CPSF6: variants seen among roughly 807,000 people sequenced by gnomAD.
The protein encoded by CPSF6 is cleavage and polyadenylation specificity factor subunit 6.
In CPSF6, 10 loss-of-function variants were observed where a neutral mutation model predicts 56.7. The observed-to-expected ratio is 0.18, with a 90% CI of 0.11 to 0.30. The LOEUF is 0.30. Ranked by LOEUF, CPSF6 falls within the 10% of genes least tolerant of loss-of-function variation. The probability of loss-of-function intolerance (pLI) is 1.00; values close to 1 mark genes in which losing one functional copy is unlikely to be tolerated. For missense variants in CPSF6, 419 were observed against 722.9 expected (o/e 0.58, Z 4.82); for synonymous variants, 248 against 244.8 (o/e 1.01, Z -0.12).
At chr12:69,255,153 G>A (rs1468394007) in intron 3 of CPSF6, 1 of 152,242 alleles carries the variant, frequency 6.6e-6, no homozygotes, top group Non-Finnish European at 1.5e-5. Flanking sequence ...GTAGTCCTAT[G>A]TGACTGGCTT....
chr12:69,242,171 A>G (rs891449957), intron 1 of CPSF6, among the ~76,000 whole-genome samples: 7 of 151,124 alleles, frequency 4.6e-5, no homozygotes, highest in African/African-American at 1.7e-4. Flanking sequence ...GCCAGTTTTG[A>G]CTTACTTTGG....
Position 69,269,677 on chromosome 12 carries a change from T to C in CPSF6, c.*169T>C, listed in dbSNP as rs1873153033. 1 of 226,986 alleles carries C rather than the reference T, an allele frequency of 4.4e-6. No homozygotes were observed. The allele number at this position is 226,986 out of a possible 1,614,324, so 14.1% of individuals were successfully genotyped here. A position where few individuals can be genotyped will look rare whatever the true frequency, so the allele number is the denominator to read the frequency against. The stretch of plus-strand genomic sequence containing the variant: ...GCAAATCTGCATAAATGGTAACCAG[T>C]AGCTCTACTTTTATTTTTTATGTTG... On this transcript the variant is annotated 3_prime_UTR_variant, in exon 10 of 10. Transcript: ENST00000435070.
intron 2 of CPSF6, chr12:69,252,243 AAAAAC>A: frequency 3.9e-6 from 1 of 254,726 alleles, no homozygotes; most frequent in South Asian, 2.3e-5. Context: ...CTGGCTAATT[AAAAAC>A]AAAACAAACA....
Position 69,258,085 on chromosome 12 carries a change from ACT to A in CPSF6, c.694+181_694+182del, listed in dbSNP as rs1228856514. 6.5e-7 allele frequency: 1 copy of A among 1,536,856 alleles called. No homozygotes were observed. On this transcript the variant is annotated intron_variant, in intron 5 of 9. Transcript: ENST00000435070. This position sits in a 1 kb window ranked among gnomAD's most constrained non-coding sequence, Gnocchi z 4.2. ...AGGAACTCGGCCTTTGTTCCTGGAA[ACT>A]AGGATTCCATGGCATATGGGGCACA... is the stretch of plus-strand genomic sequence containing the variant.
At chr12:69,254,852 G>A (rs921787856) in intron 3 of CPSF6, 2 of 152,086 alleles carry the variant, frequency 1.3e-5, no homozygotes, top group African/African-American at 2.4e-5. Flanking sequence ...GTAACTATAC[G>A]AATTGGTAAT....
At chr12:69,239,790 C>T (rs952265403) in intron 1 of CPSF6, 84 bp downstream of exon 1, 48 of 1,350,068 alleles carry the variant, frequency 3.6e-5, no homozygotes, top group Non-Finnish European at 4.4e-5. Context: ...CGGCCGCGAG[C>T]CGAAGCGACT....
chr12:69,247,331 A>T (rs1871963653), intron 1 of CPSF6, among the ~76,000 whole-genome samples: 1 of 151,752 alleles, frequency 6.6e-6, no homozygotes, highest in African/African-American at 2.4e-5. Context: ...GAATGATTGT[A>T]GTGATTTAGA....
At chr12:69,247,817 C>A (rs191747496) in intron 1 of CPSF6, among the ~76,000 whole-genome samples, 10 of 152,288 alleles carry the variant, frequency 6.6e-5, no homozygotes, top group Non-Finnish European at 1.5e-5. Context: ...TTACTGATAA[C>A]TACAAAAGAG....
intron 9 of CPSF6, among the ~76,000 whole-genome samples, chr12:69,263,831 G>T (rs2120613707): frequency 6.6e-6 from 1 of 152,050 alleles, no homozygotes; most frequent in Admixed American, 6.5e-5. Flanking sequence ...AATTTTAAGG[G>T]CTTTTTGAGT....
rs772411291 is a variant in CPSF6, at chr12:69,258,743, C to A, written c.848C>A (p.Pro283His). 1.2e-6 allele frequency: 2 copies of A among 1,613,972 alleles called. No homozygotes were observed. The highest frequency in any genetic ancestry group is 2.7e-5 in the African/African-American group (2 of 74,904). ...PPPPVLFPGQ[P>H]FGQPPLGPLP... ...CCACCAGTTCTTTTTCCTGGACAAC[C>A]TTTTGGGCAGCCTCCATTGGGTCCA... Residue 283 changes from proline to histidine, a missense_variant, in exon 6 of 10, where the codon CCT becomes CAT. Physicochemically the swap from Pro to His is moderately conservative, Grantham distance 77. Coordinates refer to ENST00000435070, the MANE Select transcript of CPSF6 (RefSeq NM_007007.3). The surrounding 1 kb of genome is among the most constrained non-coding windows in gnomAD (Gnocchi z 4.2).
At chr12:69,260,274 A>G in intron 8 of CPSF6, 77 bp downstream of exon 8, 1 of 1,175,060 alleles carries the variant, frequency 8.5e-7, no homozygotes, top group South Asian at 1.6e-5. Context: ...AGACTTTAAA[A>G]GGAGGACTTT....
rs376737984 is a variant in CPSF6 at position 69,239,659 on chromosome 12, G to A, written c.13G>A (p.Val5Met). The change falls in exon 1 of 10, where the codon GTG (valine) becomes ATG (methionine). Residue 5 changes from valine (V) to methionine (M), a missense_variant. Physicochemically the swap from Val to Met is conservative, Grantham distance 21. This residue lies in a region of CPSF6 where 125 missense variants were observed against 216.4 expected (regional missense o/e 0.58). Coordinates refer to ENST00000435070, the MANE Select transcript of CPSF6 (RefSeq NM_007007.3). MADG[V>M]DHIDIYADVG... Reference sequence around the variant, plus strand: ...AGGCTGAAGGAAGATGGCGGACGGCGTGGACCACATAGACATTTACGCGGA... The same window carrying A: ...AGGCTGAAGGAAGATGGCGGACGGCATGGACCACATAGACATTTACGCGGA... 3.8e-6 allele frequency: 6 copies of A among 1,585,024 alleles called. No homozygotes were observed. The African/African-American group carries it at 7.0e-5, about 18-fold the overall frequency.
At chr12:69,259,299 A>G in intron 6 of CPSF6, 129 bp from the exon 7 acceptor site, 9 of 1,311,696 alleles carry the variant, frequency 6.9e-6, no homozygotes, top group East Asian at 2.5e-5. Context: ...AGCATGCTTC[A>G]ATATGGAAAA....
chr12:69,259,457 G>A lies in CPSF6; in HGVS notation c.1229G>A (p.Ser410Asn). 1 of 1,613,696 alleles carries A rather than the reference G, an allele frequency of 6.2e-7. No individual in the cohort carries two copies. The highest frequency in any genetic ancestry group is 1.1e-5 in the South Asian group (1 of 90,974). ...ATGGATACTGCAAGAACGCCATTGA[G>A]TGAAGCTGAATTTGAAGAAATCATG... The part of the protein sequence containing the change: ...REMDTARTPL[S>N]EAEFEEIMNR... The change falls in exon 7 of 10, where the codon AGT becomes AAT. Residue 410 changes from serine (S) to asparagine (N), a missense_variant. This residue lies in a region of CPSF6 where 211 missense variants were observed against 296.0 expected (regional missense o/e 0.71). Coordinates refer to ENST00000435070, the MANE Select transcript of CPSF6 (RefSeq NM_007007.3).
chr12:69,240,568 C>T (rs1049354178), intron 1 of CPSF6, among the ~76,000 whole-genome samples: 1 of 152,126 alleles, frequency 6.6e-6, no homozygotes, highest in Non-Finnish European at 1.5e-5. Flanking sequence ...TGTTAGCTCA[C>T]CCACAGATCT....
Position 69,273,260 on chromosome 12 carries a change from G to T in CPSF6, c.*3752G>T. 1 of 421,044 alleles carries T rather than the reference G, an allele frequency of 2.4e-6. No individual in the cohort carries two copies. Among genetic ancestry groups the T allele is most frequent in the East Asian group, 6.2e-5 (1 of 16,048 alleles). 26.1% of individuals were successfully genotyped at this position (421,044 alleles called of 1,614,324 possible). ...ACACTGTTCAGATTGATTTAGGTTT[G>T]TCTTAACCAATGTTCTTTTTTTAGA... On this transcript the variant is annotated 3_prime_UTR_variant, in exon 10 of 10. Coordinates refer to ENST00000435070, the MANE Select transcript of CPSF6 (RefSeq NM_007007.3).
chr12:69,257,912 CT>C lies in CPSF6; in HGVS notation c.694+11del. ...CCACCCCCACCTTTTCCAGGTAAAA[CT>C]TTTCTTAAATTACCATGGATAAAAC... On this transcript the variant is annotated splice_region_variant and intron_variant, in intron 5 of 9. Transcript: ENST00000435070. 6.3e-7 allele frequency: 1 copy of C among 1,591,144 alleles called. No individual in the cohort carries two copies. Among genetic ancestry groups the C allele is most frequent in the Non-Finnish European group, 8.5e-7 (1 of 1,171,442 alleles).
At chr12:69,249,128 C>T (rs974075228) in intron 1 of CPSF6, among the ~76,000 whole-genome samples, 2 of 98,238 alleles carry the variant, frequency 2.0e-5, no homozygotes, top group East Asian at 2.4e-4. Context: ...GGCAAGGTAG[C>T]GGGCGCCTGT....
chr12:69,247,604 A>G (rs760610182), intron 1 of CPSF6, among the ~76,000 whole-genome samples: 1 of 152,174 alleles, frequency 6.6e-6, no homozygotes, highest in African/African-American at 2.4e-5. Context: ...TTCTTTGACA[A>G]ACTGGAAACC....
Sources: allele counts gnomAD v4.1 joint callset (sites outside exome capture counted in the v4.1 genomes callset), GRCh38; gene constraint gnomAD v4.1.1; regional missense constraint gnomAD v4.1.1; non-coding constraint Gnocchi (gnomAD v3.1); transcripts MANE v1.5; gene names NCBI Gene and HGNC (gene_info 2026-07-23, HGNC 2026-07-21).